The following MIR2052HG variants were observed in gnomAD, a reference collection of about 807,000 sequenced individuals.
MIR2052HG encodes the protein MIR2052 host gene.
chr8:74,693,154 C>T (rs1001254387), intron 2 of MIR2052HG, among the ~76,000 whole-genome samples: 1 of 152,152 alleles, frequency 6.6e-6, no homozygotes, highest in Non-Finnish European at 1.5e-5. Flanking sequence ...TTATTCTTCT[C>T]TTCTTAAGAA....
In MIR2052HG at chr8:74,696,302, C is replaced by A. The variant is rs187419005; in HGVS notation, n.217-6077C>A. 1.2e-4 allele frequency among the ~76,000 whole-genome samples: 19 copies of A among 152,142 alleles called. No homozygotes were observed. In the East Asian group the frequency reaches 3.7e-3, roughly 29 times the overall value. The stretch of plus-strand genomic sequence containing the variant: ...ATAATAGTGACACAACCTCTCAAAA[C>A]CTCTGGGATACAGCAAAGGCAGTAC... On this transcript the variant is annotated intron_variant and non_coding_transcript_variant, in intron 2 of 6. Transcript: ENST00000523442.
intron 2 of MIR2052HG, among the ~76,000 whole-genome samples, chr8:74,648,171 C>A (rs1808713527): frequency 6.6e-6 from 1 of 152,100 alleles, no homozygotes; most frequent in African/African-American, 2.4e-5. Flanking sequence ...TCACTGAATT[C>A]TTTTCCCAGC....
intron 4 of MIR2052HG, among the ~76,000 whole-genome samples, chr8:74,740,839 C>T (rs1326860927): frequency 1.4e-4 from 22 of 152,158 alleles, no homozygotes; most frequent in Admixed American, 1.4e-3. Flanking sequence ...GATTGTAACA[C>T]TCAAATACGT....
chr8:74,737,399 T>A (rs1809778888), intron 4 of MIR2052HG, among the ~76,000 whole-genome samples: 1 of 152,044 alleles, frequency 6.6e-6, no homozygotes, highest in South Asian at 2.1e-4. Context: ...CACTGTGGAG[T>A]ATACTTCCAT....
intron 4 of MIR2052HG, among the ~76,000 whole-genome samples, chr8:74,705,264 C>T (rs1174037366): frequency 6.6e-6 from 1 of 151,968 alleles, no homozygotes; most frequent in African/African-American, 2.4e-5. Context: ...CCAAAACCCA[C>T]TCAGTTAAAA....
chr8:74,660,974 T>C (rs927483717), intron 2 of MIR2052HG, among the ~76,000 whole-genome samples: 2 of 152,062 alleles, frequency 1.3e-5, no homozygotes, highest in Admixed American at 1.3e-4. Context: ...AGATAATAAA[T>C]AATAATTTTA....
chr8:74,649,541 A>G (rs554791073), intron 2 of MIR2052HG, among the ~76,000 whole-genome samples: 1 of 152,256 alleles, frequency 6.6e-6, no homozygotes, highest in Non-Finnish European at 1.5e-5. Flanking sequence ...ATATATATAT[A>G]TGCACATATA....
chr8:74,621,716 G>A (rs952864678), intron 2 of MIR2052HG, among the ~76,000 whole-genome samples: 2 of 152,174 alleles, frequency 1.3e-5, no homozygotes, highest in Admixed American at 1.3e-4. Context: ...TTTGTGTGGG[G>A]ACACAGAGCC....
chr8:74,655,187 G>A (rs973417062), intron 2 of MIR2052HG, among the ~76,000 whole-genome samples: 1 of 152,112 alleles, frequency 6.6e-6, no homozygotes. Context: ...ACAGAGCATA[G>A]GAGTTTGGAA....
At chr8:74,678,996 C>A (rs1380394758) in intron 2 of MIR2052HG, among the ~76,000 whole-genome samples, 1 of 152,142 alleles carries the variant, frequency 6.6e-6, no homozygotes, top group Non-Finnish European at 1.5e-5. Flanking sequence ...TAAAGTTCAA[C>A]ATTCCATCCA....
intron 4 of MIR2052HG, among the ~76,000 whole-genome samples, chr8:74,723,390 G>A (rs1050309985): frequency 6.6e-6 from 1 of 152,158 alleles, no homozygotes; most frequent in Admixed American, 6.5e-5. Context: ...CTTCCTCCTT[G>A]TATAGGCTGC....
intron 4 of MIR2052HG, among the ~76,000 whole-genome samples, chr8:74,704,824 A>G (rs1186640239): frequency 6.6e-6 from 1 of 152,114 alleles, no homozygotes; most frequent in East Asian, 1.9e-4. Flanking sequence ...GAGGAGAAAA[A>G]TACATATTGG....
chr8:74,679,588 C>G (rs900715472), intron 2 of MIR2052HG, among the ~76,000 whole-genome samples: 2 of 150,996 alleles, frequency 1.3e-5, no homozygotes, highest in Non-Finnish European at 2.9e-5. Context: ...TGCAGTGTCA[C>G]GATCTCGGCT....
At chr8:74,699,726 A>G (rs1451067800) in intron 2 of MIR2052HG, among the ~76,000 whole-genome samples, 1 of 152,026 alleles carries the variant, frequency 6.6e-6, no homozygotes, top group Non-Finnish European at 1.5e-5. Flanking sequence ...ATCTCACGAT[A>G]ATCTCAGAAA....
At chr8:74,703,135 G>T (rs1247756877) in intron 3 of MIR2052HG, among the ~76,000 whole-genome samples, 1 of 152,032 alleles carries the variant, frequency 6.6e-6, no homozygotes, top group Non-Finnish European at 1.5e-5. Context: ...TACTATGATA[G>T]GTAATCAGAA....
intron 4 of MIR2052HG, among the ~76,000 whole-genome samples, chr8:74,732,557 G>T (rs1466596527): frequency 6.6e-6 from 1 of 152,058 alleles, no homozygotes; most frequent in East Asian, 1.9e-4. Flanking sequence ...TATTGTAGGG[G>T]TATATATTAT....
chr8:74,621,492 T>C (rs1164959317), intron 2 of MIR2052HG, among the ~76,000 whole-genome samples: 1 of 152,130 alleles, frequency 6.6e-6, no homozygotes. Flanking sequence ...TCAGGAAACT[T>C]TCAATAATGG....
intron 2 of MIR2052HG, among the ~76,000 whole-genome samples, chr8:74,620,216 G>A (rs1808342525): frequency 6.6e-6 from 1 of 152,212 alleles, no homozygotes; most frequent in Non-Finnish European, 1.5e-5. Flanking sequence ...TGGCTTCACA[G>A]GATACAACCC....
chr8:74,692,903 A>T (rs1809253520), intron 2 of MIR2052HG, among the ~76,000 whole-genome samples: 1 of 152,286 alleles, frequency 6.6e-6, no homozygotes, highest in East Asian at 1.9e-4. Flanking sequence ...GAATAAAAGT[A>T]TTTTTCTTTC....
Sources: gnomAD v4.1 joint callset for allele counts (sites outside exome capture counted in the v4.1 genomes callset) on GRCh38, gnomAD v4.1.1 for gene constraint, MANE v1.5 for transcripts, NCBI Gene and HGNC (gene_info 2026-07-23, HGNC 2026-07-21) for gene names.